Variants in AIM2 observed in about 807,000 individuals in gnomAD.
AIM2 encodes interferon-inducible protein AIM2.
A neutral mutation model predicts 27.7 loss-of-function variants in AIM2; 30 were observed. The observed-to-expected ratio is 1.08, with a 90% CI of 0.81 to 1.47. The LOEUF is 1.47. Among genes scored for constraint, AIM2 ranks in the 40% most tolerant of loss-of-function variants. The probability of loss-of-function intolerance (pLI) is 0.00; values close to 1 mark genes in which losing one functional copy is unlikely to be tolerated. For missense variants in AIM2, 358 were observed against 411.3 expected (o/e 0.87, Z 1.12); for synonymous variants, 141 against 145.3 (o/e 0.97, Z 0.21).
At chr1:159,133,354 A>G (rs965904411) in intron 1 of AIM2, among the ~76,000 whole-genome samples, 5 of 152,216 alleles carry the variant, frequency 3.3e-5, no homozygotes, top group Non-Finnish European at 7.3e-5. Context: ...TCATAATGCT[A>G]TTCTCTCTCA....
chr1:159,145,810 T>C (rs1375511520), intron 1 of AIM2, among the ~76,000 whole-genome samples: 3 of 152,116 alleles, frequency 2.0e-5, no homozygotes, highest in Admixed American at 2.0e-4. Context: ...CAGGAAGCCA[T>C]TTAAAGAGTT....
At chr1:159,089,690 A>G (rs987022516) in intron 1 of AIM2, among the ~76,000 whole-genome samples, 3 of 152,192 alleles carry the variant, frequency 2.0e-5, no homozygotes, top group Non-Finnish European at 4.4e-5. Flanking sequence ...TACCAGTCAA[A>G]ACAAAAATGG....
intron 1 of AIM2, among the ~76,000 whole-genome samples, chr1:159,118,895 T>C (rs1344570765): frequency 6.6e-6 from 1 of 152,186 alleles, no homozygotes; most frequent in Non-Finnish European, 1.5e-5. Flanking sequence ...TAATCAGTTT[T>C]TGCATCGGTA....
rs570821094 is a variant in AIM2, at chr1:159,145,525, C to T, written n.87+1485G>A. On this transcript the variant is annotated intron_variant and non_coding_transcript_variant, in intron 1 of 6. Coordinates refer to the AIM2 transcript ENST00000411768. ...GAATCAAGCCAAGGAAAGACAAATA[C>T]GGAGCAAATTATCCTTTCATCATCC... Among the ~76,000 whole-genome samples the T allele has an allele frequency of 1.5e-4, 23 of 152,206 alleles. No homozygotes were observed. The South Asian group carries it at 1.7e-3, about 11-fold the overall frequency.
At chr1:159,055,919 C>A in the AIM2 span, among the ~76,000 whole-genome samples, 1 of 152,022 alleles carries the variant, frequency 6.6e-6, no homozygotes, top group Non-Finnish European at 1.5e-5. Flanking sequence ...TCTTAATGAC[C>A]CTTAGATGGT....
chr1:159,055,425 T>C, the AIM2 span, among the ~76,000 whole-genome samples: 1 of 152,224 alleles, frequency 6.6e-6, no homozygotes, highest in Non-Finnish European at 1.5e-5. Flanking sequence ...GCAGTAGATA[T>C]CTTTTCAGAA....
In AIM2 at chr1:159,073,306, G is replaced by T. The variant is rs759738285; in HGVS notation, c.194C>A (p.Thr65Asn). Residue 65 changes from threonine to asparagine, a missense_variant, in exon 2 of 6, where the codon ACC becomes AAC. Thr to Asn is a moderately conservative substitution (Grantham distance 65, BLOSUM62 0). Transcript: ENST00000368130. ...ATTCAACTTCTGAAAAATACGAATG[G>T]TCTTCATCACTGCAGACACCGCCCC... ...NAGAVSAVMK[T>N]IRIFQKLNYM... 6.2e-7 allele frequency: 1 copy of T among 1,614,010 alleles called. No homozygotes were observed. The highest frequency in any genetic ancestry group is 1.3e-5 in the African/African-American group (1 of 74,908).
At position 159,062,640 on chromosome 1, in the gene AIM2, T is replaced by C. The variant is rs1655877237; in HGVS notation, c.*52A>G. 5 of 1,569,686 alleles carry C rather than the reference T, an allele frequency of 3.2e-6. No individual in the cohort carries two copies. In the African/African-American group the frequency reaches 6.8e-5, roughly 21 times the overall value. Reference sequence around the variant, plus strand: ...TTGAAGAGGCTGTATCACATATTCTTCAATTAAATGCTGCTTAGACCAGTT... The same window carrying C: ...TTGAAGAGGCTGTATCACATATTCTCCAATTAAATGCTGCTTAGACCAGTT... On this transcript the variant is annotated 3_prime_UTR_variant, in exon 6 of 6. Transcript: ENST00000368130.
intron 5 of AIM2, among the ~76,000 whole-genome samples, chr1:159,063,269 A>G (rs1353750888): frequency 6.6e-6 from 1 of 152,194 alleles, no homozygotes; most frequent in Non-Finnish European, 1.5e-5. Flanking sequence ...GCACAACAAT[A>G]TGCGCCTCTG....
At chr1:159,072,855 C>G (rs1286892862) in intron 2 of AIM2, among the ~76,000 whole-genome samples, 1 of 152,210 alleles carries the variant, frequency 6.6e-6, no homozygotes, top group African/African-American at 2.4e-5. Context: ...ATAATTTATA[C>G]TTTCAAGACT....
chr1:159,058,828 G>A (rs529090690), downstream of AIM2, among the ~76,000 whole-genome samples: 3 of 152,282 alleles, frequency 2.0e-5, no homozygotes, highest in East Asian at 5.8e-4. Flanking sequence ...GGTTTTTTGG[G>A]TGAAAAGGAA....
intron 4 of AIM2, 32 bp downstream of exon 4, chr1:159,065,878 T>A (rs200965927): frequency 1.3e-6 from 2 of 1,546,762 alleles, no homozygotes; most frequent in African/African-American, 2.8e-5. Context: ...TTATTCTTAC[T>A]AATCAATATG....
chr1:159,065,870 A>G (rs755743524), intron 4 of AIM2, 40 bp downstream of exon 4: 1 of 1,534,156 alleles, frequency 6.5e-7, no homozygotes, highest in Non-Finnish European at 8.7e-7. Context: ...GAAATACGTT[A>G]TTCTTACTAA....
intron 1 of AIM2, among the ~76,000 whole-genome samples, chr1:159,081,972 TTTACTC>T (rs1442873395): frequency 6.6e-6 from 1 of 152,246 alleles, no homozygotes; most frequent in Non-Finnish European, 1.5e-5. Context: ...TTGCAGTTAA[TTTACTC>T]TTATTCTTCT....
chr1:159,115,778 A>T (rs1189390612), intron 1 of AIM2, among the ~76,000 whole-genome samples: 1 of 152,242 alleles, frequency 6.6e-6, no homozygotes, highest in Non-Finnish European at 1.5e-5. Flanking sequence ...ATGGGCAAGG[A>T]TTTCATGTCT....
intron 2 of AIM2, among the ~76,000 whole-genome samples, chr1:159,071,943 C>T (rs1335646877): frequency 6.6e-6 from 1 of 151,884 alleles, no homozygotes; most frequent in Non-Finnish European, 1.5e-5. Flanking sequence ...ATAACAAAAT[C>T]CCAGAATCAT....
chr1:159,130,616 T>C (rs1262475276), intron 1 of AIM2, among the ~76,000 whole-genome samples: 1 of 152,120 alleles, frequency 6.6e-6, no homozygotes, highest in Non-Finnish European at 1.5e-5. Flanking sequence ...TCATTTGATA[T>C]ATTAAATGAC....
chr1:159,134,531 G>A (rs1570984147), intron 1 of AIM2, among the ~76,000 whole-genome samples: 1 of 152,110 alleles, frequency 6.6e-6, no homozygotes, highest in African/African-American at 2.4e-5. Flanking sequence ...AACCAAACTC[G>A]CTTTACAGTC....
intron 1 of AIM2, among the ~76,000 whole-genome samples, chr1:159,086,782 T>G (rs760951018): frequency 1.3e-5 from 2 of 152,218 alleles, no homozygotes; most frequent in Non-Finnish European, 2.9e-5. Flanking sequence ...TGTCAGTCCC[T>G]AATCCTAGAA....
Sources: allele counts gnomAD v4.1 joint callset (sites outside exome capture counted in the v4.1 genomes callset), GRCh38; gene constraint gnomAD v4.1.1; transcripts MANE v1.5; gene names NCBI Gene and HGNC (gene_info 2026-07-23, HGNC 2026-07-21).